FSHR: variants seen among roughly 807,000 people sequenced by gnomAD.
FSHR encodes follicle-stimulating hormone receptor.
In FSHR, 46 loss-of-function variants were observed where a neutral mutation model predicts 52.1. The ratio of observed to expected loss-of-function variants is 0.88; its 90% CI spans 0.70 to 1.13. FSHR has a LOEUF of 1.13. Ranked by LOEUF, FSHR falls within the 50% of genes most tolerant of loss-of-function variation. FSHR has a pLI of 0.00. For missense variants in FSHR, 964 were observed against 834.6 expected (o/e 1.16, Z -1.91); for synonymous variants, 399 against 309.6 (o/e 1.29, Z -3.03).
At chr2:49,122,841 CTG>C (rs1163955935) in intron 1 of FSHR, among the ~76,000 whole-genome samples, 2 of 152,194 alleles carry the variant, frequency 1.3e-5, no homozygotes, top group East Asian at 3.9e-4. Context: ...AATCCTGACT[CTG>C]TCTTTGGGAA....
chr2:49,003,880 C>T (rs1666992344), intron 4 of FSHR, among the ~76,000 whole-genome samples: 1 of 151,932 alleles, frequency 6.6e-6, no homozygotes, highest in Non-Finnish European at 1.5e-5. Context: ...TGCCCTGCCT[C>T]CTCTGGCCCA....
intron 1 of FSHR, among the ~76,000 whole-genome samples, chr2:49,129,048 T>G (rs1352884148): frequency 2.3e-5 from 1 of 43,630 alleles, no homozygotes. Flanking sequence ...TGTTTTCTTG[T>G]TTTTTTTTTT....
At chr2:49,003,496 G>C (rs1263844011) in intron 4 of FSHR, among the ~76,000 whole-genome samples, 1 of 152,172 alleles carries the variant, frequency 6.6e-6, no homozygotes, top group Non-Finnish European at 1.5e-5. Context: ...GTCCTTCCCA[G>C]AAGGATAAAT....
intron 4 of FSHR, among the ~76,000 whole-genome samples, chr2:49,016,028 A>G (rs748997229): frequency 1.3e-5 from 2 of 152,156 alleles, no homozygotes; most frequent in East Asian, 3.9e-4. Flanking sequence ...GTTCCAGGTC[A>G]TATGAATTGT....
intron 1 of FSHR, among the ~76,000 whole-genome samples, chr2:49,130,382 G>A (rs1036817002): frequency 6.6e-6 from 1 of 152,120 alleles, no homozygotes; most frequent in Non-Finnish European, 1.5e-5. Flanking sequence ...TAGCCAGGAA[G>A]GCCTGGACTC....
intron 1 of FSHR, among the ~76,000 whole-genome samples, chr2:49,124,331 C>T (rs963229472): frequency 1.3e-5 from 2 of 151,868 alleles, no homozygotes; most frequent in Admixed American, 6.6e-5. Flanking sequence ...GTGTAGTATT[C>T]TAAGGGCAAG....
chr2:49,115,657 T>C (rs1487119826), intron 1 of FSHR, among the ~76,000 whole-genome samples: 1 of 152,170 alleles, frequency 6.6e-6, no homozygotes, highest in African/African-American at 2.4e-5. Context: ...TGCTCTATTG[T>C]ATCATGACAA....
At chr2:49,090,954 A>T (rs909001224) in intron 1 of FSHR, among the ~76,000 whole-genome samples, 11 of 151,574 alleles carry the variant, frequency 7.3e-5, no homozygotes, top group Non-Finnish European at 1.2e-4. Flanking sequence ...GATTAAAAAA[A>T]TTTTTTTTCT....
intron 8 of FSHR, 107 bp from the exon 9 acceptor site, chr2:48,968,990 T>A: frequency 2.0e-6 from 2 of 1,018,912 alleles, no homozygotes; most frequent in Admixed American, 4.0e-5. Flanking sequence ...CTTACATGGA[T>A]GAGGAGAGAG....
chr2:49,057,974 A>T lies in FSHR; in HGVS notation c.224+10245T>A, dbSNP rs546733876. On this transcript the variant is annotated intron_variant, in intron 2 of 9. Coordinates refer to ENST00000406846, the MANE Select transcript of FSHR (RefSeq NM_000145.4). The stretch of plus-strand genomic sequence containing the variant: ...ATTTGGTAAAATTCAACATGCTTTC[A>T]TGATAAAAACTCTCAATAAATTAGG... Among the ~76,000 whole-genome samples the T allele has an allele frequency of 3.3e-5, 5 of 152,334 alleles. No individual in the cohort carries two copies. The East Asian group carries it at 9.6e-4, about 29-fold the overall frequency.
At chr2:48,991,294 G>A (rs771390998) in intron 4 of FSHR, among the ~76,000 whole-genome samples, 2 of 152,182 alleles carry the variant, frequency 1.3e-5, no homozygotes, top group Non-Finnish European at 2.9e-5. Context: ...ATAGCTGATA[G>A]CATGATTTCA....
intron 1 of FSHR, among the ~76,000 whole-genome samples, chr2:49,103,933 A>C (rs1671130090): frequency 2.0e-5 from 3 of 151,064 alleles, no homozygotes; most frequent in South Asian, 4.2e-4. Context: ...GTTTTCCCCA[A>C]AGCTCAAATG....
chr2:49,144,424 G>A (rs531830952), intron 1 of FSHR, among the ~76,000 whole-genome samples: 2 of 152,132 alleles, frequency 1.3e-5, no homozygotes, highest in South Asian at 4.2e-4. Context: ...TTTGTTTGGG[G>A]GAATGAGATG....
At chr2:49,091,853 T>G (rs1670623826) in intron 1 of FSHR, among the ~76,000 whole-genome samples, 1 of 152,230 alleles carries the variant, frequency 6.6e-6, no homozygotes, top group South Asian at 2.1e-4. Flanking sequence ...TTATTTTGAC[T>G]GTTTTAATCC....
intron 1 of FSHR, among the ~76,000 whole-genome samples, chr2:49,126,875 C>T (rs547398186): frequency 6.6e-6 from 1 of 152,210 alleles, no homozygotes; most frequent in Non-Finnish European, 1.5e-5. Context: ...GCCTCCCTCA[C>T]AAGGAACCAT....
chr2:48,984,752 C>G (rs1021895031), intron 6 of FSHR, among the ~76,000 whole-genome samples: 4 of 152,080 alleles, frequency 2.6e-5, no homozygotes, highest in African/African-American at 9.7e-5. Context: ...CATACAGGTT[C>G]CACCTATTTG....
At chr2:48,983,913 C>T (rs1036484481) in intron 6 of FSHR, among the ~76,000 whole-genome samples, 5 of 152,132 alleles carry the variant, frequency 3.3e-5, no homozygotes, top group African/African-American at 1.2e-4. Flanking sequence ...ACAGGGGAGC[C>T]CAAGGACACC....
At chr2:49,134,232 A>G (rs1461719934) in intron 1 of FSHR, among the ~76,000 whole-genome samples, 1 of 152,218 alleles carries the variant, frequency 6.6e-6, no homozygotes, top group Non-Finnish European at 1.5e-5. Flanking sequence ...GAAAAAATCA[A>G]CCCCATCAAA....
At chr2:49,006,695 C>T (rs147338602) in intron 4 of FSHR, among the ~76,000 whole-genome samples, 2 of 152,210 alleles carry the variant, frequency 1.3e-5, no homozygotes, top group Middle Eastern at 3.4e-3. Flanking sequence ...AGGATCAGTG[C>T]CACACAGCTC....
Sources: allele counts gnomAD v4.1 joint callset (sites outside exome capture counted in the v4.1 genomes callset), GRCh38; gene constraint gnomAD v4.1.1; transcripts MANE v1.5; gene names NCBI Gene and HGNC (gene_info 2026-07-23, HGNC 2026-07-21).